Variants in APBA1 observed in about 807,000 individuals in gnomAD.
APBA1 encodes the protein amyloid-beta A4 precursor protein-binding family A member 1.
APBA1 carries 55 observed loss-of-function variants against 86.6 expected under a neutral mutation model. That is an observed-to-expected ratio of 0.64 (90% confidence interval 0.51 to 0.80). The LOEUF (loss-of-function observed/expected upper bound fraction) is 0.80. APBA1 is among the 30% of genes least tolerant of loss of function. The pLI is 0.00. For synonymous variants in APBA1, 511 were observed against 493.9 expected (o/e 1.03, Z -0.46); for missense variants, 1,090 against 1,183.0 (o/e 0.92, Z 1.15).
chr9:69,585,088 G>T (rs1308814900), intron 1 of APBA1, among the ~76,000 whole-genome samples: 1 of 152,172 alleles, frequency 6.6e-6, no homozygotes, highest in Non-Finnish European at 1.5e-5. Flanking sequence ...TTGGCACTGG[G>T]AACCCAGTAG....
intron 2 of APBA1, among the ~76,000 whole-genome samples, chr9:69,488,500 T>TC (rs1411060046): frequency 6.6e-6 from 1 of 152,162 alleles, no homozygotes; most frequent in Non-Finnish European, 1.5e-5. Flanking sequence ...TCTAACTGAA[T>TC]CACTTCTTAC....
intron 2 of APBA1, among the ~76,000 whole-genome samples, chr9:69,514,093 G>C (rs550188956): frequency 6.6e-6 from 1 of 152,326 alleles, no homozygotes; most frequent in East Asian, 1.9e-4. Flanking sequence ...TGACACCTAA[G>C]CTTGCCATGT....
intron 1 of APBA1, among the ~76,000 whole-genome samples, chr9:69,587,793 G>A (rs980002723): frequency 6.6e-6 from 1 of 152,118 alleles, no homozygotes; most frequent in Non-Finnish European, 1.5e-5. Flanking sequence ...GGGAGGCTGA[G>A]GTAGCCGGAT....
Position 69,431,408 on chromosome 9 carries a change from A to G in APBA1, c.2443-10T>C, listed in dbSNP as rs756432448. 3.1e-6 allele frequency: 5 copies of G among 1,611,840 alleles called. No homozygotes were observed. The highest frequency in any genetic ancestry group is 1.6e-4 in the Middle Eastern group (1 of 6,076). On this transcript the variant is annotated splice_polypyrimidine_tract_variant and intron_variant, in intron 12 of 12. Coordinates refer to ENST00000265381, the MANE Select transcript of APBA1 (RefSeq NM_001163.4). The stretch of plus-strand genomic sequence containing the variant: ...TTGTCTTCATATGAATCTGAGGGTA[A>G]AGAACACACTTTAGTGGGGGGCTGA...
chr9:69,533,129 T>A (rs1171370717), intron 1 of APBA1, among the ~76,000 whole-genome samples: 1 of 152,166 alleles, frequency 6.6e-6, no homozygotes, highest in Non-Finnish European at 1.5e-5. Flanking sequence ...CCCTGATCCA[T>A]TAAAGCTCAG....
At chr9:69,457,905 C>A (rs895865547) in intron 6 of APBA1, among the ~76,000 whole-genome samples, 2 of 152,170 alleles carry the variant, frequency 1.3e-5, no homozygotes, top group Non-Finnish European at 2.9e-5. Flanking sequence ...TACTACTATA[C>A]GATTCATTCA....
rs1450440477 is a variant in APBA1, at chr9:69,436,320, T to A, written c.2302-3644A>T. On this transcript the variant is annotated intron_variant, in intron 11 of 12. Transcript: ENST00000265381. Reference sequence around the variant, plus strand: ...GTTTTTTCCAATTCTGTGAAGAAAGTCATTGGTAGCTTGATGGGGATGGCA... The same window carrying A: ...GTTTTTTCCAATTCTGTGAAGAAAGACATTGGTAGCTTGATGGGGATGGCA... Among the ~76,000 whole-genome samples, 8 of 150,980 alleles carry A rather than the reference T, an allele frequency of 5.3e-5. No individual in the cohort carries two copies. In the East Asian group the frequency reaches 7.7e-4, roughly 15 times the overall value.
At chr9:69,601,181 A>G (rs1040704438) in intron 1 of APBA1, among the ~76,000 whole-genome samples, 28 of 152,372 alleles carry the variant, frequency 1.8e-4, no homozygotes, top group Admixed American at 7.8e-4. Flanking sequence ...TTCAAACACA[A>G]GAAGTTAATC....
At chr9:69,635,100 TGTATAA>T (rs935004816) in intron 1 of APBA1, among the ~76,000 whole-genome samples, 5 of 152,194 alleles carry the variant, frequency 3.3e-5, no homozygotes, top group East Asian at 1.9e-4. Context: ...ATAATTGTGG[TGTATAA>T]GTATATCTTG....
chr9:69,442,777 T>G (rs1359858474), intron 10 of APBA1, among the ~76,000 whole-genome samples: 1 of 152,210 alleles, frequency 6.6e-6, no homozygotes, highest in African/African-American at 2.4e-5. Context: ...CCTTGACCAG[T>G]CTACCAAATC....
intron 1 of APBA1, among the ~76,000 whole-genome samples, chr9:69,662,192 G>T (rs896908985): frequency 1.3e-5 from 2 of 152,148 alleles, no homozygotes; most frequent in African/African-American, 4.8e-5. Flanking sequence ...CCTGTGCCTA[G>T]ACCTGAGGCA....
At position 69,427,745 on chromosome 9, in the gene APBA1, C is replaced by T. The variant is rs1834511772; in HGVS notation, c.*3582G>A. ...GTGTGCGGTGTCCACATTCCAGGCT[C>T]ACGTGTAGATATATTTTATTTATAT... is the stretch of plus-strand genomic sequence containing the variant. On this transcript the variant is annotated 3_prime_UTR_variant, in exon 13 of 13. Transcript: ENST00000265381. The T allele has an allele frequency of 6.6e-6, 1 of 151,958 alleles. No homozygotes were observed. Among genetic ancestry groups the T allele is most frequent in the Non-Finnish European group, 1.5e-5 (1 of 68,014 alleles). 9.4% of individuals were successfully genotyped at this position (151,958 alleles called of 1,614,324 possible).
chr9:69,483,436 A>G (rs1835555663), intron 2 of APBA1, among the ~76,000 whole-genome samples: 1 of 152,048 alleles, frequency 6.6e-6, no homozygotes, highest in Non-Finnish European at 1.5e-5. Flanking sequence ...ATTTTCATGG[A>G]AAGGGATAAT....
At chr9:69,664,301 A>G (rs1212099983) in intron 1 of APBA1, among the ~76,000 whole-genome samples, 1 of 152,196 alleles carries the variant, frequency 6.6e-6, no homozygotes, top group African/African-American at 2.4e-5. Flanking sequence ...GGATGTCTTT[A>G]CACAAGACAT....
intron 1 of APBA1, among the ~76,000 whole-genome samples, chr9:69,561,378 T>C (rs1836943365): frequency 6.6e-6 from 1 of 152,236 alleles, no homozygotes. Flanking sequence ...TGAGTGATAC[T>C]GCTTTAGGGA....
intron 2 of APBA1, among the ~76,000 whole-genome samples, chr9:69,494,040 C>T (rs1026138553): frequency 6.6e-6 from 1 of 151,950 alleles, no homozygotes; most frequent in African/African-American, 2.4e-5. Context: ...GTTAAGAAAT[C>T]CATAATTATT....
rs557093832 is a variant in APBA1 at position 69,516,372 on chromosome 9, C to T, written c.839G>A (p.Ser280Asn). 3.1e-6 allele frequency: 5 copies of T among 1,602,228 alleles called. No individual in the cohort carries two copies. Among genetic ancestry groups the T allele is most frequent in the Non-Finnish European group, 4.2e-6 (5 of 1,178,462 alleles). The change falls in exon 2 of 13, where the codon AGC becomes AAC. Residue 280 changes from serine to asparagine, a missense_variant. Physicochemically the swap from Ser to Asn is conservative, Grantham distance 46. Coordinates refer to ENST00000265381, the MANE Select transcript of APBA1 (RefSeq NM_001163.4). The surrounding 1 kb of genome is among the most constrained non-coding windows in gnomAD (Gnocchi z 7.3). ...IDQIVAEVKQ[S>N]MSSQSLDKAA... ...CTTGTCGAGGCTCTGCGAGCTCATG[C>T]TCTGCTTCACCTCGGCCACTATCTG...
At chr9:69,646,151 GT>G (rs1823386261) in intron 1 of APBA1, among the ~76,000 whole-genome samples, 1 of 152,032 alleles carries the variant, frequency 6.6e-6, no homozygotes, top group Admixed American at 6.5e-5. Flanking sequence ...ATAATATCAA[GT>G]TTTTTTATAG....
At chr9:69,618,955 C>A (rs186432717) in intron 1 of APBA1, among the ~76,000 whole-genome samples, 6 of 152,300 alleles carry the variant, frequency 3.9e-5, no homozygotes, top group African/African-American at 1.4e-4. Flanking sequence ...ATATCTACCC[C>A]ATGGGCTGTG....
Sources: allele counts gnomAD v4.1 joint callset (sites outside exome capture counted in the v4.1 genomes callset), GRCh38; gene constraint gnomAD v4.1.1; non-coding constraint Gnocchi (gnomAD v3.1); transcripts MANE v1.5; gene names NCBI Gene and HGNC (gene_info 2026-07-23, HGNC 2026-07-21).